IL22: variants seen among roughly 807,000 people sequenced by gnomAD.
IL22 encodes the protein interleukin 22.
A neutral mutation model predicts 15.5 loss-of-function variants in IL22; 15 were observed. That is an observed-to-expected ratio of 0.97 (90% CI 0.65 to 1.49). The LOEUF (loss-of-function observed/expected upper bound fraction) is 1.49, where lower values mean the gene tolerates loss of function less well. Ranked by LOEUF, IL22 falls within the 40% of genes most tolerant of loss-of-function variation. IL22 has a pLI of 0.00. For synonymous variants in IL22, 91 were observed against 82.0 expected (o/e 1.11, Z -0.60); for missense variants, 225 against 215.4 (o/e 1.04, Z -0.28).
At chr12:68,249,649 G>A (rs758250268) in intron 5 of IL22, among the ~76,000 whole-genome samples, 3 of 152,094 alleles carry the variant, frequency 2.0e-5, no homozygotes, top group South Asian at 2.1e-4. Context: ...ACCAGATATA[G>A]GTCCTAACAT....
intron 4 of IL22, 107 bp downstream of exon 4, chr12:68,252,397 T>G: frequency 8.8e-7 from 1 of 1,136,594 alleles, no homozygotes; most frequent in Non-Finnish European, 1.3e-6. Flanking sequence ...AGACACTTCT[T>G]CCTGCTAGCT....
chr12:68,249,287 AGCCC>A (rs1291268446), intron 5 of IL22, among the ~76,000 whole-genome samples: 27 of 152,224 alleles, frequency 1.8e-4, no homozygotes, highest in African/African-American at 5.1e-4. Flanking sequence ...TCCAACCTGC[AGCCC>A]ACAGGCCGCA....
intron 5 of IL22, among the ~76,000 whole-genome samples, 181 bp downstream of exon 5, chr12:68,251,332 A>G (rs1869921898): frequency 6.6e-6 from 1 of 152,232 alleles, no homozygotes; most frequent in African/African-American, 2.4e-5. Flanking sequence ...ACAATTTGCA[A>G]GATTTGGAAA....
chr12:68,250,732 G>A (rs2227496), intron 5 of IL22, among the ~76,000 whole-genome samples: 1,865 of 152,156 alleles, frequency 0.012, 46 homozygotes, highest in African/African-American at 0.042. Context: ...ATGGATAAAT[G>A]CTCCCTAGGG....
intron 5 of IL22, among the ~76,000 whole-genome samples, chr12:68,250,149 C>T (rs957592574): frequency 6.6e-6 from 1 of 152,170 alleles, no homozygotes; most frequent in Non-Finnish European, 1.5e-5. Flanking sequence ...ATCACTCTTC[C>T]ACATGGCAAC....
chr12:68,249,032 T>A (rs1013810331), intron 5 of IL22, among the ~76,000 whole-genome samples, 156 bp from the exon 6 acceptor site: 3 of 152,208 alleles, frequency 2.0e-5, no homozygotes, highest in Non-Finnish European at 2.9e-5. Flanking sequence ...ATTGTATGAT[T>A]TGCCAAAGAG....
rs774271305 is a variant in IL22 at position 68,253,299 on chromosome 12, G to C, written c.150C>G (p.Pro50=). The C allele has an allele frequency of 1.9e-6, 3 of 1,613,790 alleles. No homozygotes were observed. In the South Asian group the frequency reaches 3.3e-5, roughly 18 times the overall value. ...GCATGAAGGTGCGGTTGGTGATATA[G>C]GGCTGCTGGAAGTTGGACTTGTCAA... is the stretch of plus-strand genomic sequence containing the variant. ...CRLDKSNFQQ[P]YITNRTFMLA... is the part of the protein sequence containing the mutation. Residue 50 remains proline, a synonymous_variant, in exon 2 of 6, where the codon CCC becomes CCG. Transcript: ENST00000538666.
At chr12:68,249,653 C>T (rs1173220018) in intron 5 of IL22, among the ~76,000 whole-genome samples, 3 of 152,136 alleles carry the variant, frequency 2.0e-5, no homozygotes, top group African/African-American at 4.8e-5. Flanking sequence ...GATATAGGTC[C>T]TAACATTCAT....
At chr12:68,250,856 A>G (rs1198978393) in intron 5 of IL22, among the ~76,000 whole-genome samples, 1 of 152,142 alleles carries the variant, frequency 6.6e-6, no homozygotes, top group Non-Finnish European at 1.5e-5. Context: ...TCTCTTACTA[A>G]TATTTTTACT....
At chr12:68,248,914 T>C (rs1869829548) in intron 5 of IL22, 38 bp from the exon 6 acceptor site, 1 of 1,522,302 alleles carries the variant, frequency 6.6e-7, no homozygotes, top group Non-Finnish European at 9.1e-7. Flanking sequence ...TGAGCATTTA[T>C]GCCATGTTTT....
Position 68,248,783 on chromosome 12 carries a change from T to C in IL22, c.*16A>G, listed in dbSNP as rs777182679. 6.2e-7 allele frequency: 1 copy of C among 1,601,436 alleles called. No individual in the cohort carries two copies. Among genetic ancestry groups the C allele is most frequent in the Non-Finnish European group, 8.5e-7 (1 of 1,171,002 alleles). ...GGGAAAGGGGGTTAGTTATTCATTTTTCAGCTTTGCTCTGGTCAAATGCAG... is the reference window on the plus strand; with the variant it reads ...GGGAAAGGGGGTTAGTTATTCATTTCTCAGCTTTGCTCTGGTCAAATGCAG... On this transcript the variant is annotated 3_prime_UTR_variant, in exon 6 of 6. Coordinates refer to ENST00000538666, the MANE Select transcript of IL22 (RefSeq NM_020525.5).
rs1192283293 is a variant in IL22, at chr12:68,252,548, C to T, written c.352G>A (p.Val118Met). ...SDRFQPYMQE[V>M]VPFLARLSNR... is the part of the protein sequence containing the mutation. ...CTGAGCCTGGCCAGGAAGGGCACCA[C>T]CTCCTGCATATAAGGCTGGAACCTA... The change falls in exon 4 of 6, where the codon GTG becomes ATG. Residue 118 changes from valine to methionine, a missense_variant. By Grantham distance (21) the Val-to-Met change is conservative. Transcript: ENST00000538666. 2 of 1,614,020 alleles carry T rather than the reference C, an allele frequency of 1.2e-6. No homozygotes were observed. Among genetic ancestry groups the T allele is most frequent in the Non-Finnish European group, 1.7e-6 (2 of 1,179,960 alleles).
intron 5 of IL22, among the ~76,000 whole-genome samples, chr12:68,249,927 A>G (rs987255272): frequency 6.6e-6 from 1 of 152,184 alleles, no homozygotes; most frequent in African/African-American, 2.4e-5. Context: ...CTCCAAGACT[A>G]TAAAGAATTT....
intron 5 of IL22, 96 bp downstream of exon 5, chr12:68,251,417 T>C (rs1869925783): frequency 1.1e-6 from 1 of 911,192 alleles, no homozygotes. Context: ...GAGAATCAAG[T>C]GAAAAATCAC....
intron 2 of IL22, 119 bp downstream of exon 2, chr12:68,253,144 C>G: frequency 1.3e-6 from 1 of 794,902 alleles, no homozygotes; most frequent in Non-Finnish European, 1.9e-6. Context: ...GAAAATTTAT[C>G]TACCCTCAGG....
In IL22 at chr12:68,248,506, T is replaced by C. The variant is rs1592912163; in HGVS notation, c.*293A>G. The C allele has an allele frequency of 3.7e-5, 8 of 214,018 alleles. No homozygotes were observed. In the East Asian group the frequency reaches 7.9e-4, roughly 21 times the overall value. The allele number at this position is 214,018 out of a possible 1,614,324, so 13.3% of individuals were successfully genotyped here. On this transcript the variant is annotated 3_prime_UTR_variant, in exon 6 of 6. Transcript: ENST00000538666. ...AAGGAATGGAAAGTAATCTTTTTTA[T>C]GGAAAAAGACAATTATTTAAAAAAT...
In IL22 at chr12:68,253,496, TG is replaced by T; in HGVS notation, c.-46-3del. The T allele has an allele frequency of 6.9e-7, 1 of 1,450,378 alleles. No individual in the cohort carries two copies. The highest frequency in any genetic ancestry group is 9.4e-7 in the Non-Finnish European group (1 of 1,068,946). The allele number at this position is 1,450,378 out of a possible 1,614,324, so 89.8% of individuals were successfully genotyped here. On this transcript the variant is annotated splice_region_variant and splice_polypyrimidine_tract_variant and intron_variant, in intron 1 of 5. Coordinates refer to ENST00000538666, the MANE Select transcript of IL22 (RefSeq NM_020525.5). ...AACTGGTGACTGGGGAAGGAGAACC[TG>T]GTCGAAGACAACGTGAAGGAACAAA...
intron 5 of IL22, among the ~76,000 whole-genome samples, chr12:68,249,906 T>C (rs1732719174): frequency 6.6e-6 from 1 of 152,164 alleles, no homozygotes; most frequent in Non-Finnish European, 1.5e-5. Flanking sequence ...TATTCTTTTC[T>C]ATCTCAAAGA....
chr12:68,251,754 C>A (rs2227493), intron 4 of IL22, among the ~76,000 whole-genome samples, 176 bp from the exon 5 acceptor site: 1 of 152,172 alleles, frequency 6.6e-6, no homozygotes, highest in African/African-American at 2.4e-5. Context: ...TTCCCTTGGA[C>A]GCCAGAATCC....
Sources: allele counts gnomAD v4.1 joint callset (sites outside exome capture counted in the v4.1 genomes callset), GRCh38; gene constraint gnomAD v4.1.1; transcripts MANE v1.5; gene names NCBI Gene and HGNC (gene_info 2026-07-23, HGNC 2026-07-21).